FDXACB1: variants seen among roughly 807,000 people sequenced by gnomAD.
FDXACB1 encodes ferredoxin-fold anticodon-binding domain-containing protein 1.
In FDXACB1, 41 loss-of-function variants were observed where a neutral mutation model predicts 51.7. The ratio of observed to expected loss-of-function variants is 0.79; its 90% CI spans 0.62 to 1.03. FDXACB1 has a LOEUF of 1.03. FDXACB1 is among the 50% of genes least tolerant of loss of function. The pLI is 0.00. For synonymous variants in FDXACB1, 273 were observed against 278.6 expected, an observed-to-expected ratio of 0.98 and a Z score of 0.20; for missense variants, 697 against 746.4, an observed-to-expected ratio of 0.93 and a Z score of 0.77.
chr11:111,876,150 A>T, intron 4 of FDXACB1, 46 bp from the exon 5 acceptor site: 1 of 1,382,872 alleles, frequency 7.2e-7, no homozygotes, highest in Non-Finnish European at 9.9e-7. Context: ...TAAGATAGTA[A>T]ATAATTATAA....
chr11:111,876,452 A>C (rs1555162156), intron 4 of FDXACB1, 29 bp downstream of exon 4: 1 of 1,607,050 alleles, frequency 6.2e-7, no homozygotes, highest in Non-Finnish European at 8.5e-7. Context: ...CTGGAGATGG[A>C]AGTGATTTCC....
Position 111,878,728 on chromosome 11 carries a change from T to C in FDXACB1, c.173-16A>G, listed in dbSNP as rs371928446. The C allele has an allele frequency of 6.9e-6, 11 of 1,603,826 alleles. No individual in the cohort carries two copies. In the African/African-American group the frequency reaches 1.5e-4, roughly 22 times the overall value. ...ACATCGATACCTGGCAAAGATAGTT[T>C]GGGGGCGCAAAATATAGACAGGAGG... is the stretch of plus-strand genomic sequence containing the variant. On this transcript the variant is annotated splice_polypyrimidine_tract_variant and intron_variant, in intron 1 of 4. Transcript: ENST00000260257.
Position 111,875,545 on chromosome 11 carries a change from T to C in FDXACB1, c.1252A>G (p.Ile418Val). 6 of 1,611,496 alleles carry C rather than the reference T, an allele frequency of 3.7e-6. No homozygotes were observed. The highest frequency in any genetic ancestry group is 5.1e-6 in the Non-Finnish European group (6 of 1,179,588). Residue 418 changes from isoleucine to valine, a missense_variant, in exon 5 of 5, where the codon ATT (isoleucine) becomes GTT (valine). Ile to Val is a conservative substitution (Grantham distance 29). This residue lies in a region of FDXACB1 where 538 missense variants were observed against 592.2 expected (regional missense o/e 0.91). Transcript: ENST00000260257. Reference protein sequence around the residue: ...LQSLLDHLKGILDSLLTQTLP... With the variant: ...LQSLLDHLKGVLDSLLTQTLP... ...GTCTGGGTCAGCAGGCTATCTAGAA[T>C]GCCCTTCAGATGATCCAGCAGTGAT... is the stretch of plus-strand genomic sequence containing the variant.
At position 111,874,973 on chromosome 11, in the gene FDXACB1, C is replaced by T. The variant is rs368275758; in HGVS notation, c.1824G>A (p.Gln608=). ...GTTGAATCTCCTTCCTAAACTGGGA[C>T]TGCATTGATGCTACTTGCTGCTGGG... ...ALTQQQVASM[Q]SQFRKEIQQH... is the part of the protein sequence containing the mutation. The change falls in exon 5 of 5, where the codon CAG becomes CAA. Residue 608 remains glutamine (Q), a synonymous_variant. Transcript: ENST00000260257. 2.6e-5 allele frequency: 42 copies of T among 1,614,028 alleles called. No individual in the cohort carries two copies. In the African/African-American group the frequency reaches 4.8e-4, roughly 18 times the overall value.
Position 111,877,476 on chromosome 11 carries a change from T to C in FDXACB1, c.330-465A>G, listed in dbSNP as rs1045021783. Among the ~76,000 whole-genome samples the C allele has an allele frequency of 3.3e-5, 5 of 152,246 alleles. No homozygotes were observed. The South Asian group carries it at 1.0e-3, about 32-fold the overall frequency. ...GTGGTATAATCATGTAAAGCACTGT[T>C]TTCAGTTCACAATAATTTTATGAGG... On this transcript the variant is annotated intron_variant, in intron 2 of 4. Coordinates refer to ENST00000260257, the MANE Select transcript of FDXACB1 (RefSeq NM_138378.3).
rs1314649956 is a variant in FDXACB1 at position 111,875,848 on chromosome 11, A to G, written c.949T>C (p.Ser317Pro). The change falls in exon 5 of 5, where the codon TCA becomes CCA. Residue 317 changes from serine to proline, a missense_variant. Physicochemically the swap from Ser to Pro is moderately conservative, Grantham distance 74. Around this residue, in one of 3 missense-constraint regions of FDXACB1, gnomAD observed 538 missense variants for 592.2 expected, o/e 0.91. Transcript: ENST00000260257. ...TTGAGAAGGCTAAGTTCTGAAAATG[A>G]CACTAGAAAGTCTTCCACATCTTGT... ...TSQDVEDFLV[S>P]FSELSLLKNP... 9.9e-6 allele frequency: 16 copies of G among 1,613,648 alleles called. No homozygotes were observed. The highest frequency in any genetic ancestry group is 1.3e-5 in the Non-Finnish European group (15 of 1,179,884).
At position 111,875,227 on chromosome 11, in the gene FDXACB1, C is replaced by T. The variant is rs377686600; in HGVS notation, c.1570G>A (p.Glu524Lys). 7.4e-6 allele frequency: 12 copies of T among 1,613,894 alleles called. No individual in the cohort carries two copies. In the African/African-American group the frequency reaches 1.6e-4, roughly 22 times the overall value. Reference protein sequence around the residue: ...FLKNFVPGKIEPFKSHSLYPP... With the variant: ...FLKNFVPGKIKPFKSHSLYPP... ...TACAGAGAATGACTTTTAAAGGGTT[C>T]TATTTTGCCAGGGACAAAATTTTTC... is the stretch of plus-strand genomic sequence containing the variant. The change falls in exon 5 of 5, where the codon GAA (glutamate) becomes AAA (lysine). Residue 524 changes from glutamate (E) to lysine (K), a missense_variant. Physicochemically the swap from Glu to Lys is moderately conservative, Grantham distance 56 (BLOSUM62 1). Around this residue, in one of 3 missense-constraint regions of FDXACB1, gnomAD observed 538 missense variants for 592.2 expected, o/e 0.91. Transcript: ENST00000260257.
Position 111,879,030 on chromosome 11 carries a change from G to A in FDXACB1, c.103C>T (p.Leu35Phe). 6.2e-7 allele frequency: 1 copy of A among 1,613,612 alleles called. No individual in the cohort carries two copies. Among genetic ancestry groups the A allele is most frequent in the Middle Eastern group, 1.7e-4 (1 of 6,058 alleles). The change falls in exon 1 of 5, where the codon CTC (leucine) becomes TTC (phenylalanine). Residue 35 changes from leucine to phenylalanine, a missense_variant. Physicochemically the swap from Leu to Phe is conservative, Grantham distance 22. Around this residue, in one of 3 missense-constraint regions of FDXACB1, gnomAD observed 153 missense variants for 133.5 expected, o/e 1.15. Transcript: ENST00000260257. The part of the protein sequence containing the change: ...DQSTQLTATC[L>F]QRPAELARDP... ...CGAGCCAACTCGGCCGGGCGCTGGA[G>A]GCAGGTGGCGGTAAGTTGAGTGCTC...
At position 111,875,292 on chromosome 11, in the gene FDXACB1, G is replaced by C. The variant is rs1555161916; in HGVS notation, c.1505C>G (p.Ser502Cys). 1 of 1,613,858 alleles carries C rather than the reference G, an allele frequency of 6.2e-7. No homozygotes were observed. Among genetic ancestry groups the C allele is most frequent in the Admixed American group, 1.7e-5 (1 of 60,008 alleles). The change falls in exon 5 of 5, where the codon TCT becomes TGT. Residue 502 changes from serine to cysteine, a missense_variant. Ser to Cys is a moderately radical substitution (Grantham distance 112, BLOSUM62 -1). Coordinates refer to ENST00000260257, the MANE Select transcript of FDXACB1 (RefSeq NM_138378.3). The stretch of plus-strand genomic sequence containing the variant: ...AAACGTCCACAACATTCTCCAGTCA[G>C]AGATACACCAGACAAGCATGGCTAA... ...DLLAMLVWCI[S>C]DWRMLWTFDN...
chr11:111,875,431 T>C lies in FDXACB1; in HGVS notation c.1366A>G (p.Asn456Asp). 1.9e-5 allele frequency: 31 copies of C among 1,613,426 alleles called. No homozygotes were observed. The highest frequency in any genetic ancestry group is 2.5e-5 in the Non-Finnish European group (30 of 1,179,820). Reference sequence around the variant, plus strand: ...TCCTCAGTACAATCTGGGCTAAAATTATGAGTCTTCACACGAATCATATAA... The same window carrying C: ...TCCTCAGTACAATCTGGGCTAAAATCATGAGTCTTCACACGAATCATATAA... ...KDYMIRVKTH[N>D]FSPDCTEDLI... The change falls in exon 5 of 5, where the codon AAT becomes GAT. Residue 456 changes from asparagine to aspartate, a missense_variant. By Grantham distance (23) the Asn-to-Asp change is conservative. Coordinates refer to ENST00000260257, the MANE Select transcript of FDXACB1 (RefSeq NM_138378.3).
Position 111,876,083 on chromosome 11 carries a change from T to A in FDXACB1, c.714A>T (p.Ser238=). The A allele has an allele frequency of 1.2e-6, 2 of 1,605,044 alleles. No homozygotes were observed. The highest frequency in any genetic ancestry group is 2.7e-5 in the African/African-American group (2 of 74,692). Reference sequence around the variant, plus strand: ...CATTTATGGTTTTGATAGGATGACATGAAGGTGCTTCCAGGAAACCCCTGT... The same window carrying A: ...CATTTATGGTTTTGATAGGATGACAAGAAGGTGCTTCCAGGAAACCCCTGT... ...KLNRGFLEAP[S]CHPIKTINEK... The change falls in exon 5 of 5, where the codon TCA becomes TCT. Residue 238 remains serine (S), a synonymous_variant. Transcript: ENST00000260257.
chr11:111,877,796 C>A (rs1555162408), intron 2 of FDXACB1, among the ~76,000 whole-genome samples: 1 of 151,600 alleles, frequency 6.6e-6, no homozygotes, highest in African/African-American at 2.4e-5. Flanking sequence ...GGATTACAGG[C>A]ATGAGCCACC....
chr11:111,874,077 T>C lies in FDXACB1; in HGVS notation c.*845A>G, dbSNP rs1020081534. The C allele has an allele frequency of 6.6e-6, 1 of 152,326 alleles. No homozygotes were observed. Among genetic ancestry groups the C allele is most frequent in the South Asian group, 2.1e-4 (1 of 4,824 alleles). The allele number at this position is 152,326 out of a possible 1,614,324, so 9.4% of individuals were successfully genotyped here. ...AATGTTAACCCTAAATCTGACACTT[T>C]ATTCGTTCCATGACTTTCAACCACA... On this transcript the variant is annotated 3_prime_UTR_variant, in exon 5 of 5. Coordinates refer to ENST00000260257, the MANE Select transcript of FDXACB1 (RefSeq NM_138378.3).
chr11:111,876,398 C>T, intron 4 of FDXACB1, 83 bp downstream of exon 4: 1 of 1,460,068 alleles, frequency 6.8e-7, no homozygotes, highest in South Asian at 1.3e-5. Flanking sequence ...ATTTATGCAC[C>T]ATCCATTCAA....
In FDXACB1 at chr11:111,875,685, A is replaced by T. The variant is rs1555162011; in HGVS notation, c.1112T>A (p.Ile371Asn). ...CTTCTGAAAGACAGGTCCACTGAGG[A>T]TGTGCAGAGAACCTGAGAGGAAGTC... ...VPDFLSGSLH[I>N]LSGPVFQKCH... Residue 371 changes from isoleucine to asparagine, a missense_variant, in exon 5 of 5, where the codon ATC (isoleucine) becomes AAC (asparagine). Ile to Asn is a moderately radical substitution (Grantham distance 149). Coordinates refer to ENST00000260257, the MANE Select transcript of FDXACB1 (RefSeq NM_138378.3). 2 of 1,613,634 alleles carry T rather than the reference A, an allele frequency of 1.2e-6. No homozygotes were observed. The highest frequency in any genetic ancestry group is 1.7e-6 in the Non-Finnish European group (2 of 1,179,882).
At position 111,879,144 on chromosome 11, in the gene FDXACB1, A is replaced by T. The variant is rs781806202; in HGVS notation, c.-12T>A. The T allele has an allele frequency of 1.9e-6, 3 of 1,587,628 alleles. No homozygotes were observed. Among genetic ancestry groups the T allele is most frequent in the Non-Finnish European group, 1.7e-6 (2 of 1,167,266 alleles). ...CGCCGAGGGGCCATGGCCTCCACGG[A>T]CTCCCGGCTCGCGTTCTCTGTGGCG... On this transcript the variant is annotated 5_prime_UTR_variant, in exon 1 of 5. Coordinates refer to ENST00000260257, the MANE Select transcript of FDXACB1 (RefSeq NM_138378.3).
At chr11:111,878,743 T>C (rs782501794) in intron 1 of FDXACB1, 31 bp from the exon 2 acceptor site, 8 of 1,598,300 alleles carry the variant, frequency 5.0e-6, no homozygotes, top group South Asian at 1.1e-5. Flanking sequence ...GCGCAAAATA[T>C]AGACAGGAGG....
Position 111,879,034 on chromosome 11 carries a change from G to C in FDXACB1, c.99C>G (p.Thr33=). 1.2e-6 allele frequency: 2 copies of C among 1,613,718 alleles called. No individual in the cohort carries two copies. Among genetic ancestry groups the C allele is most frequent in the East Asian group, 2.2e-5 (1 of 44,866 alleles). The part of the protein sequence containing the change: ...TLDQSTQLTA[T]CLQRPAELAR... ...CCAACTCGGCCGGGCGCTGGAGGCA[G>C]GTGGCGGTAAGTTGAGTGCTCTGAT... The change falls in exon 1 of 5, where the codon ACC becomes ACG. Residue 33 remains threonine, a synonymous_variant. Transcript: ENST00000260257.
At chr11:111,877,703 G>A (rs974157507) in intron 2 of FDXACB1, among the ~76,000 whole-genome samples, 4 of 151,294 alleles carry the variant, frequency 2.6e-5, no homozygotes, top group African/African-American at 9.7e-5. Flanking sequence ...TTTTAGTAGA[G>A]GCGGGGTTTT....
Sources: allele counts gnomAD v4.1 joint callset (sites outside exome capture counted in the v4.1 genomes callset), GRCh38; gene constraint gnomAD v4.1.1; regional missense constraint gnomAD v4.1.1; transcripts MANE v1.5; gene names NCBI Gene and HGNC (gene_info 2026-07-23, HGNC 2026-07-21).